GALNT13: variants seen among roughly 807,000 people sequenced by gnomAD.
GALNT13 encodes the protein polypeptide N-acetylgalactosaminyltransferase 13, also known as UDP-GalNAc:polypeptide N-acetylgalactosaminyltransferase 13.
GALNT13 carries 28 observed loss-of-function variants against 64.2 expected under a neutral mutation model. The ratio of observed to expected loss-of-function variants is 0.44; its 90% CI spans 0.32 to 0.60. GALNT13 has a LOEUF of 0.60. Ranked by LOEUF, GALNT13 falls within the 20% of genes least tolerant of loss-of-function variation. The pLI, the probability that GALNT13 is intolerant of heterozygous loss-of-function variation, is 0.05. For synonymous variants in GALNT13, 214 were observed against 224.6 expected (o/e 0.95, Z 0.42); for missense variants, 577 against 669.8 (o/e 0.86, Z 1.53).
chr2:153,645,910 T>C, the GALNT13 span, among the ~76,000 whole-genome samples: 1 of 152,122 alleles, frequency 6.6e-6, no homozygotes. Context: ...CCCATTCTAG[T>C]ATTTTACACA....
At chr2:154,149,037 C>T (rs1441711901) in intron 4 of GALNT13, among the ~76,000 whole-genome samples, 1 of 152,066 alleles carries the variant, frequency 6.6e-6, no homozygotes, top group African/African-American at 2.4e-5. Context: ...CCTAGGTTTT[C>T]TTCTAGGGTT....
chr2:153,426,261 A>T, the GALNT13 span, among the ~76,000 whole-genome samples: 1 of 151,772 alleles, frequency 6.6e-6, no homozygotes, highest in Non-Finnish European at 1.5e-5. Flanking sequence ...AGCTTACTTT[A>T]TGTGTCTTGA....
At chr2:153,298,407 A>C in the GALNT13 span, among the ~76,000 whole-genome samples, 1 of 152,184 alleles carries the variant, frequency 6.6e-6, no homozygotes, top group East Asian at 1.9e-4. Flanking sequence ...ATATTCCACT[A>C]TTAAAGATTC....
downstream of GALNT13, among the ~76,000 whole-genome samples, chr2:154,454,048 A>C (rs1328206373): frequency 6.6e-6 from 1 of 152,174 alleles, no homozygotes; most frequent in African/African-American, 2.4e-5. Context: ...TTGAAGGTAT[A>C]AGATTTTGAC....
At chr2:154,246,460 A>G (rs1689784845) in intron 7 of GALNT13, among the ~76,000 whole-genome samples, 1 of 152,128 alleles carries the variant, frequency 6.6e-6, no homozygotes, top group Non-Finnish European at 1.5e-5. Context: ...AAAATTATGA[A>G]GGGCTTATTA....
At chr2:153,200,444 C>A in the GALNT13 span, among the ~76,000 whole-genome samples, 1 of 152,172 alleles carries the variant, frequency 6.6e-6, no homozygotes, top group Non-Finnish European at 1.5e-5. Flanking sequence ...GTAGTGTGAC[C>A]TGTGGAAACC....
chr2:153,818,969 G>A, the GALNT13 span, among the ~76,000 whole-genome samples: 1 of 152,122 alleles, frequency 6.6e-6, no homozygotes. Flanking sequence ...CCTGAACTTT[G>A]GACCAGCCGG....
chr2:154,331,423 C>T (rs1695161802), intron 9 of GALNT13, among the ~76,000 whole-genome samples: 2 of 152,044 alleles, frequency 1.3e-5, no homozygotes, highest in Admixed American at 6.6e-5. Flanking sequence ...CCACCTCAGC[C>T]TCTCCAGTAG....
the GALNT13 span, among the ~76,000 whole-genome samples, chr2:153,121,618 G>A: frequency 1.9e-4 from 29 of 152,152 alleles, no homozygotes; most frequent in South Asian, 8.3e-4. Flanking sequence ...TGCAACCTCC[G>A]CTGCCTGGGT....
chr2:154,386,059 A>AT (rs960434357), intron 9 of GALNT13, among the ~76,000 whole-genome samples: 3 of 151,216 alleles, frequency 2.0e-5, no homozygotes, highest in East Asian at 1.9e-4. Flanking sequence ...TGGTGTCACT[A>AT]TTTTTTTTTG....
intron 11 of GALNT13, among the ~76,000 whole-genome samples, chr2:154,421,629 A>G (rs992205587): frequency 6.6e-6 from 1 of 152,090 alleles, no homozygotes; most frequent in African/African-American, 2.4e-5. Flanking sequence ...CTTAACATTA[A>G]AAGCTATCTT....
chr2:154,023,383 G>T (rs1697684770), intron 3 of GALNT13, among the ~76,000 whole-genome samples: 1 of 152,142 alleles, frequency 6.6e-6, no homozygotes, highest in Non-Finnish European at 1.5e-5. Context: ...CTCCTGTATT[G>T]GGTATATGTA....
the GALNT13 span, among the ~76,000 whole-genome samples, chr2:153,833,457 G>C: frequency 6.6e-6 from 1 of 152,182 alleles, no homozygotes; most frequent in Non-Finnish European, 1.5e-5. Flanking sequence ...ACTTGAGGTT[G>C]CTAAGATCTA....
the GALNT13 span, among the ~76,000 whole-genome samples, chr2:153,214,292 G>C: frequency 6.6e-6 from 1 of 152,096 alleles, no homozygotes; most frequent in African/African-American, 2.4e-5. Context: ...TGAAACATTT[G>C]CCTTGTTAGG....
At chr2:154,335,733 C>A (rs2105208024) in intron 9 of GALNT13, among the ~76,000 whole-genome samples, 1 of 152,060 alleles carries the variant, frequency 6.6e-6, no homozygotes, top group Admixed American at 6.6e-5. Flanking sequence ...TCCAAACCCT[C>A]ATTACTAGGA....
the GALNT13 span, among the ~76,000 whole-genome samples, chr2:153,126,296 GTATATATATATATATATATA>G: frequency 9.5e-3 from 1,127 of 118,734 alleles, 26 homozygotes; most frequent in African/African-American, 0.023. Flanking sequence ...TATTGATTTT[GTATATATATATATATATATA>G]TATATATATA....
At chr2:153,774,963 T>C in the GALNT13 span, among the ~76,000 whole-genome samples, 11 of 152,236 alleles carry the variant, frequency 7.2e-5, no homozygotes, top group Non-Finnish European at 1.6e-4. Context: ...GATCAAATAC[T>C]GCACATGCTC....
intron 9 of GALNT13, among the ~76,000 whole-genome samples, chr2:154,372,948 T>G (rs1007030848): frequency 6.6e-6 from 1 of 152,126 alleles, no homozygotes; most frequent in Admixed American, 6.6e-5. Flanking sequence ...AGTTTTTTAT[T>G]TAATCATTAA....
intron 4 of GALNT13, among the ~76,000 whole-genome samples, chr2:154,200,312 T>C (rs2105777913): frequency 6.6e-6 from 1 of 152,128 alleles, no homozygotes; most frequent in East Asian, 1.9e-4. Flanking sequence ...ACTATGGAGA[T>C]GGGGTGGTGA....
Sources: gnomAD v4.1 joint callset for allele counts (sites outside exome capture counted in the v4.1 genomes callset) on GRCh38, gnomAD v4.1.1 for gene constraint, MANE v1.5 for transcripts, NCBI Gene and HGNC (gene_info 2026-07-23, HGNC 2026-07-21) for gene names.